RAB7A: variants seen among roughly 807,000 people sequenced by gnomAD.
The protein encoded by RAB7A is ras-related protein Rab-7a.
A neutral mutation model predicts 24.5 loss-of-function variants in RAB7A; 2 were observed. The observed-to-expected ratio is 0.08, with a 90% CI of 0.03 to 0.26. RAB7A has a LOEUF of 0.26. RAB7A is among the 10% of genes least tolerant of loss of function. The pLI is 1.00. For synonymous variants in RAB7A, 100 were observed against 95.9 expected (o/e 1.04, Z -0.25); for missense variants, 118 against 255.7 (o/e 0.46, Z 3.67).
intron 1 of RAB7A, among the ~76,000 whole-genome samples, chr3:128,750,064 A>C (rs2070661036): frequency 1.3e-5 from 2 of 152,214 alleles, no homozygotes; most frequent in African/African-American, 4.8e-5. Flanking sequence ...GGCTCTGACC[A>C]AAAGCCTGAT....
At chr3:128,729,442 C>A (rs540854635) in intron 1 of RAB7A, among the ~76,000 whole-genome samples, 1 of 151,844 alleles carries the variant, frequency 6.6e-6, no homozygotes, top group African/African-American at 2.4e-5. Flanking sequence ...TGGTGGCGGG[C>A]GCCTGTAGTC....
At chr3:128,770,027 G>T (rs2070869691) in intron 1 of RAB7A, among the ~76,000 whole-genome samples, 1 of 149,886 alleles carries the variant, frequency 6.7e-6, no homozygotes, top group African/African-American at 2.5e-5. Flanking sequence ...TTTTGAGACG[G>T]AGTCTCGCTC....
chr3:128,782,107 T>C (rs1933234532), intron 1 of RAB7A, among the ~76,000 whole-genome samples: 1 of 152,194 alleles, frequency 6.6e-6, no homozygotes, highest in Admixed American at 6.5e-5. Context: ...TTCCCCAGTG[T>C]TCAGTATAAT....
intron 1 of RAB7A, among the ~76,000 whole-genome samples, chr3:128,745,040 A>AT (rs1191772356): frequency 1.3e-5 from 2 of 151,534 alleles, no homozygotes; most frequent in East Asian, 3.9e-4. Context: ...CACCTGGCTA[A>AT]TTTTTTTGTA....
chr3:128,766,861 T>C (rs1576285040), intron 1 of RAB7A, among the ~76,000 whole-genome samples: 1 of 152,164 alleles, frequency 6.6e-6, no homozygotes, highest in South Asian at 2.1e-4. Flanking sequence ...TTTAACTCTT[T>C]GAGGAACTGC....
At chr3:128,773,441 C>G (rs1933004213) in intron 1 of RAB7A, among the ~76,000 whole-genome samples, 1 of 145,054 alleles carries the variant, frequency 6.9e-6, no homozygotes, top group Non-Finnish European at 1.6e-5. Context: ...CAGCCCCCGC[C>G]CGGCCAGCCG....
In RAB7A at chr3:128,807,655, G is replaced by A. The variant is rs2107616116; in HGVS notation, c.512G>A (p.Arg171Gln). ...NVEQAFQTIA[R>Q]NALKQETEVE... ...GAGCAGGCGTTCCAGACGATTGCAC[G>A]GAATGCACTTAAGCAGGTGGGTCTC... Residue 171 changes from arginine to glutamine, a missense_variant, in exon 5 of 6, where the codon CGG (arginine) becomes CAG (glutamine). Arg to Gln is a conservative substitution (Grantham distance 43). Around this residue, in one of 2 missense-constraint regions of RAB7A, gnomAD observed 66 missense variants for 82.2 expected, o/e 0.80. Coordinates refer to ENST00000265062, the MANE Select transcript of RAB7A (RefSeq NM_004637.6). 1.9e-6 allele frequency: 3 copies of A among 1,614,194 alleles called. No individual in the cohort carries two copies. Among genetic ancestry groups the A allele is most frequent in the Non-Finnish European group, 2.5e-6 (3 of 1,180,028 alleles).
At chr3:128,750,897 T>A (rs1051336809) in intron 1 of RAB7A, among the ~76,000 whole-genome samples, 1 of 152,226 alleles carries the variant, frequency 6.6e-6, no homozygotes, top group Non-Finnish European at 1.5e-5. Flanking sequence ...AACTGGGGAC[T>A]TGGTGCCCTG....
At chr3:128,780,689 G>C (rs1196818001) in intron 1 of RAB7A, among the ~76,000 whole-genome samples, 1 of 152,178 alleles carries the variant, frequency 6.6e-6, no homozygotes, top group Non-Finnish European at 1.5e-5. Flanking sequence ...CACATGATCA[G>C]ATTTAAGTGG....
chr3:128,786,564 T>G (rs1933346489), intron 1 of RAB7A, among the ~76,000 whole-genome samples: 1 of 152,138 alleles, frequency 6.6e-6, no homozygotes. Context: ...CAGAGAGACA[T>G]TTACCCATGT....
At position 128,814,268 on chromosome 3, in the gene RAB7A, A is replaced by G. The variant is rs532629721; in HGVS notation, c.*846A>G. 1.3e-5 allele frequency: 2 copies of G among 153,098 alleles called. No homozygotes were observed. Among genetic ancestry groups the G allele is most frequent in the South Asian group, 4.1e-4 (2 of 4,828 alleles). 9.5% of individuals were successfully genotyped at this position (153,098 alleles called of 1,614,324 possible). ...CCTTTTATCAAAGACTTAAGAGCCA[A>G]AAAGCTTTTCATCTCTCCAGGGGGA... On this transcript the variant is annotated 3_prime_UTR_variant, in exon 6 of 6. Transcript: ENST00000265062.
chr3:128,808,032 C>T (rs113027612), intron 5 of RAB7A, among the ~76,000 whole-genome samples: 5 of 152,166 alleles, frequency 3.3e-5, no homozygotes, highest in East Asian at 1.9e-4. Flanking sequence ...AGCTCTGCTG[C>T]GTACCAATCG....
intron 5 of RAB7A, 145 bp downstream of exon 5, chr3:128,807,816 TATGAC>T (rs1933837776): frequency 1.6e-6 from 2 of 1,241,972 alleles, no homozygotes; most frequent in Non-Finnish European, 2.3e-6. Context: ...CTGGGAAGGT[TATGAC>T]ATGTTCTGCT....
chr3:128,769,638 C>T (rs2070865750), intron 1 of RAB7A, among the ~76,000 whole-genome samples: 1 of 152,120 alleles, frequency 6.6e-6, no homozygotes. Flanking sequence ...TGATGAAGTC[C>T]AATTTGTCAA....
At chr3:128,735,929 G>A (rs1003231465) in intron 1 of RAB7A, among the ~76,000 whole-genome samples, 4 of 152,222 alleles carry the variant, frequency 2.6e-5, no homozygotes, top group African/African-American at 9.7e-5. Flanking sequence ...GGTTCAGAAA[G>A]CTTGATGACA....
At chr3:128,748,353 GTTC>G (rs976125400) in intron 1 of RAB7A, among the ~76,000 whole-genome samples, 2 of 152,200 alleles carry the variant, frequency 1.3e-5, no homozygotes, top group East Asian at 1.9e-4. Flanking sequence ...CCTAACACTT[GTTC>G]TTCTCAGCTG....
At chr3:128,752,039 A>C (rs1378143696) in intron 1 of RAB7A, among the ~76,000 whole-genome samples, 1 of 152,222 alleles carries the variant, frequency 6.6e-6, no homozygotes, top group Non-Finnish European at 1.5e-5. Flanking sequence ...GCCATGTAGA[A>C]TTGTAAGTCC....
rs566220985 is a variant in RAB7A at position 128,800,212 on chromosome 3, G to A, written c.180+2143G>A. On this transcript the variant is annotated intron_variant, in intron 3 of 5. Transcript: ENST00000265062. The stretch of plus-strand genomic sequence containing the variant: ...GAAAAAAAAGACATGACTTATAAAG[G>A]AACAACAGACTGACAAATTCTCAAC... Among the ~76,000 whole-genome samples, 18 of 152,270 alleles carry A rather than the reference G, an allele frequency of 1.2e-4. No homozygotes were observed. In the South Asian group the frequency reaches 3.7e-3, roughly 32 times the overall value.
chr3:128,779,127 T>C (rs1933158594), intron 1 of RAB7A, among the ~76,000 whole-genome samples: 1 of 152,174 alleles, frequency 6.6e-6, no homozygotes, highest in African/African-American at 2.4e-5. Flanking sequence ...AAGGATTCAT[T>C]GTGGGGCTGG....
Sources: allele counts gnomAD v4.1 joint callset (sites outside exome capture counted in the v4.1 genomes callset), GRCh38; gene constraint gnomAD v4.1.1; regional missense constraint gnomAD v4.1.1; transcripts MANE v1.5; gene names NCBI Gene and HGNC (gene_info 2026-07-23, HGNC 2026-07-21).